Variants in VWA8 observed in about 807,000 individuals in gnomAD.
The protein encoded by VWA8 is von Willebrand factor A domain containing 8.
VWA8 carries 221 observed loss-of-function variants against 241.5 expected under a neutral mutation model. That is an observed-to-expected ratio of 0.91 (90% CI 0.82 to 1.02). The LOEUF (loss-of-function observed/expected upper bound fraction) is 1.02, where lower values mean the gene tolerates loss of function less well. Ranked by LOEUF, VWA8 falls within the 50% of genes least tolerant of loss-of-function variation. The pLI is 0.00. For missense variants in VWA8, 2,322 were observed against 2,328.7 expected (o/e 1.00, Z 0.06); for synonymous variants, 852 against 827.1 (o/e 1.03, Z -0.52).
At chr13:41,597,959 C>G (rs2044498892) in intron 40 of VWA8, among the ~76,000 whole-genome samples, 1 of 152,040 alleles carries the variant, frequency 6.6e-6, no homozygotes, top group Non-Finnish European at 1.5e-5. Flanking sequence ...AGCCTTAGTC[C>G]TGTCCTCATT....
chr13:41,821,682 G>A (rs1006151001), intron 14 of VWA8, among the ~76,000 whole-genome samples: 2 of 151,974 alleles, frequency 1.3e-5, no homozygotes, highest in African/African-American at 4.8e-5. Context: ...CAGACAAAAA[G>A]ATATTATTTC....
intron 8 of VWA8, among the ~76,000 whole-genome samples, chr13:41,884,211 C>G (rs1302206221): frequency 6.6e-6 from 1 of 152,146 alleles, no homozygotes; most frequent in African/African-American, 2.4e-5. Context: ...GTAGCTCCCA[C>G]AATCCCCACG....
intron 26 of VWA8, among the ~76,000 whole-genome samples, chr13:41,707,606 ATTAAG>A (rs1287870102): frequency 6.6e-6 from 1 of 152,214 alleles, no homozygotes; most frequent in Non-Finnish European, 1.5e-5. Flanking sequence ...TCTGGCAAAA[ATTAAG>A]TTGAGTTGTC....
intron 2 of VWA8, among the ~76,000 whole-genome samples, chr13:41,916,497 T>C (rs1303509286): frequency 6.6e-6 from 1 of 152,250 alleles, no homozygotes; most frequent in Non-Finnish European, 1.5e-5. Context: ...GTATGTTTTA[T>C]TCCTTTTATT....
intron 24 of VWA8, among the ~76,000 whole-genome samples, chr13:41,724,855 C>G (rs1172338362): frequency 1.3e-5 from 2 of 152,050 alleles, no homozygotes; most frequent in Non-Finnish European, 2.9e-5. Context: ...ATTCATGCAG[C>G]AGTGTTGGAG....
intron 7 of VWA8, among the ~76,000 whole-genome samples, chr13:41,886,540 T>C (rs1394342102): frequency 2.6e-5 from 4 of 152,240 alleles, no homozygotes; most frequent in African/African-American, 9.6e-5. Context: ...CCAAATATTT[T>C]CAAATTATGG....
chr13:41,953,564 G>A (rs1005139909), intron 1 of VWA8, among the ~76,000 whole-genome samples: 3 of 152,162 alleles, frequency 2.0e-5, no homozygotes, highest in African/African-American at 7.2e-5. Flanking sequence ...CCAGCACTTT[G>A]GGAGGCCGAG....
At chr13:41,691,257 G>A (rs1353924166) in intron 32 of VWA8, 63 bp downstream of exon 32, 2 of 1,542,608 alleles carry the variant, frequency 1.3e-6, no homozygotes, top group Non-Finnish European at 1.8e-6. Context: ...AAAGATGTTG[G>A]ATAATTCATA....
At chr13:41,730,323 C>G (rs967820837) in intron 22 of VWA8, among the ~76,000 whole-genome samples, 4 of 151,966 alleles carry the variant, frequency 2.6e-5, no homozygotes, top group Non-Finnish European at 5.9e-5. Context: ...ACTGTCAGAC[C>G]AAGAAATAGG....
At chr13:41,791,903 G>A (rs949103078) in intron 17 of VWA8, among the ~76,000 whole-genome samples, 1 of 151,516 alleles carries the variant, frequency 6.6e-6, no homozygotes, top group Admixed American at 6.6e-5. Context: ...CAGATATCGA[G>A]AAGTGGAATT....
intron 17 of VWA8, among the ~76,000 whole-genome samples, chr13:41,796,210 C>T (rs1292093061): frequency 7.2e-5 from 11 of 152,054 alleles, no homozygotes; most frequent in African/African-American, 2.7e-4. Context: ...CTAGGTTATA[C>T]TAGACTCAAA....
At chr13:41,686,800 C>T (rs1164832936) in intron 34 of VWA8, among the ~76,000 whole-genome samples, 1 of 152,138 alleles carries the variant, frequency 6.6e-6, no homozygotes, top group African/African-American at 2.4e-5. Context: ...CTCCACTCTA[C>T]CTGCTTGGGT....
intron 4 of VWA8, among the ~76,000 whole-genome samples, chr13:41,901,889 A>AT (rs1367001978): frequency 5.3e-4 from 44 of 83,312 alleles, no homozygotes; most frequent in African/African-American, 1.2e-3. Flanking sequence ...AAAAAAAAAA[A>AT]ATATATATAT....
chr13:41,594,774 C>T (rs1011476969), intron 40 of VWA8, among the ~76,000 whole-genome samples: 10 of 152,156 alleles, frequency 6.6e-5, no homozygotes, highest in Non-Finnish European at 1.3e-4. Flanking sequence ...AAAAACATTA[C>T]ACTATATAGA....
intron 17 of VWA8, among the ~76,000 whole-genome samples, chr13:41,793,679 G>A (rs1332209529): frequency 6.6e-6 from 1 of 152,168 alleles, no homozygotes; most frequent in African/African-American, 2.4e-5. Flanking sequence ...AGCTGGGCCT[G>A]GTGGTGCACG....
At chr13:41,653,356 A>G (rs566252344) in intron 37 of VWA8, among the ~76,000 whole-genome samples, 1 of 152,356 alleles carries the variant, frequency 6.6e-6, no homozygotes, top group African/African-American at 2.4e-5. Flanking sequence ...TCAGCGAGAT[A>G]AAAGATTTCT....
At chr13:41,661,161 G>C (rs2139694952) in intron 37 of VWA8, among the ~76,000 whole-genome samples, 1 of 152,294 alleles carries the variant, frequency 6.6e-6, no homozygotes, top group East Asian at 1.9e-4. Context: ...ACTGCACCTG[G>C]CCAAGAATTC....
At position 41,961,079 on chromosome 13, in the gene VWA8, C is replaced by A. The variant is rs1480751240; in HGVS notation, c.-64G>T. The A allele has an allele frequency of 7.6e-6, 10 of 1,314,080 alleles. No individual in the cohort carries two copies. The highest frequency in any genetic ancestry group is 2.8e-4 in the Middle Eastern group (1 of 3,570). The allele number at this position is 1,314,080 out of a possible 1,614,324, so 81.4% of individuals were successfully genotyped here. A position where few individuals can be genotyped will look rare whatever the true frequency, so the allele number is the denominator to read the frequency against. Reference sequence around the variant, plus strand: ...GGGATCGAGCGGCGTCCCGTGCAGGCACCGTGAGGCAGCGCGGAGAAGGGG... The same window carrying A: ...GGGATCGAGCGGCGTCCCGTGCAGGAACCGTGAGGCAGCGCGGAGAAGGGG... On this transcript the variant is annotated 5_prime_UTR_variant, in exon 1 of 45. Transcript: ENST00000379310.
intron 40 of VWA8, among the ~76,000 whole-genome samples, chr13:41,597,634 A>G (rs2044497167): frequency 6.6e-6 from 1 of 152,096 alleles, no homozygotes; most frequent in Non-Finnish European, 1.5e-5. Context: ...TATGAACTAA[A>G]ATTATTTCAG....
Sources: gnomAD v4.1 joint callset for allele counts (sites outside exome capture counted in the v4.1 genomes callset) on GRCh38, gnomAD v4.1.1 for gene constraint, MANE v1.5 for transcripts, NCBI Gene and HGNC (gene_info 2026-07-23, HGNC 2026-07-21) for gene names.